GRB10: variants seen among roughly 807,000 people sequenced by gnomAD.
GRB10 encodes the protein growth factor receptor bound protein 10.
In GRB10, 20 loss-of-function variants were observed where a neutral mutation model predicts 80.9. The observed-to-expected ratio is 0.25, with a 90% confidence interval of 0.17 to 0.36. The LOEUF (loss-of-function observed/expected upper bound fraction) is 0.36, where lower values mean the gene tolerates loss of function less well. GRB10 is among the 10% of genes least tolerant of loss of function. The pLI is 1.00. For synonymous variants in GRB10, 291 were observed against 291.5 expected, an observed-to-expected ratio of 1.00 and a Z score of 0.02; for missense variants, 548 against 747.7, an observed-to-expected ratio of 0.73 and a Z score of 3.12.
intron 5 of GRB10, among the ~76,000 whole-genome samples, chr7:50,697,680 G>A (rs886572294): frequency 4.6e-5 from 7 of 152,178 alleles, no homozygotes; most frequent in Non-Finnish European, 8.8e-5. Flanking sequence ...GGAAAGAACC[G>A]CACTGTATGT....
chr7:50,682,900 A>AAAT (rs2061699445), intron 5 of GRB10, among the ~76,000 whole-genome samples: 1 of 152,228 alleles, frequency 6.6e-6, no homozygotes, highest in African/African-American at 2.4e-5. Flanking sequence ...TTCAATAATT[A>AAAT]AATATCTTCA....
At chr7:50,673,620 G>C (rs548285178) in intron 6 of GRB10, among the ~76,000 whole-genome samples, 1 of 151,964 alleles carries the variant, frequency 6.6e-6, no homozygotes, top group Non-Finnish European at 1.5e-5. Context: ...TCTCCCATCC[G>C]GGGGCTCCTG....
At chr7:50,689,512 G>C (rs2062526991) in intron 5 of GRB10, among the ~76,000 whole-genome samples, 1 of 151,888 alleles carries the variant, frequency 6.6e-6, no homozygotes, top group Non-Finnish European at 1.5e-5. Context: ...GCTGGGGATG[G>C]GGGGACCACA....
At chr7:50,746,419 G>A (rs898761103) in intron 3 of GRB10, among the ~76,000 whole-genome samples, 2 of 152,156 alleles carry the variant, frequency 1.3e-5, no homozygotes, top group Non-Finnish European at 2.9e-5. Flanking sequence ...GGGTTTATCA[G>A]AATGGAACCC....
intron 7 of GRB10, among the ~76,000 whole-genome samples, chr7:50,664,355 C>T (rs1036620993): frequency 1.3e-5 from 2 of 152,242 alleles, no homozygotes; most frequent in African/African-American, 4.8e-5. Flanking sequence ...AAGAAAATGG[C>T]ACCCCACTCA....
chr7:50,755,806 C>G (rs2074988427), intron 3 of GRB10, 81 bp downstream of exon 3: 1 of 398,484 alleles, frequency 2.5e-6, no homozygotes, highest in African/African-American at 2.1e-5. Context: ...CACGCATTCA[C>G]TGACCACCTT....
At chr7:50,602,267 C>T (rs62447501) in intron 17 of GRB10, among the ~76,000 whole-genome samples, 20,135 of 152,218 alleles carry the variant, frequency 0.13, 1,519 homozygotes, top group Non-Finnish European at 0.18. Context: ...TGAACCTGGG[C>T]AAGTTCACCA....
intron 7 of GRB10, among the ~76,000 whole-genome samples, chr7:50,639,977 G>A (rs988060159): frequency 2.0e-5 from 3 of 152,134 alleles, no homozygotes; most frequent in African/African-American, 7.2e-5. Context: ...CTCCATTGGT[G>A]GATTAAAGGG....
intron 6 of GRB10, among the ~76,000 whole-genome samples, chr7:50,671,987 C>A (rs1227469252): frequency 6.6e-6 from 1 of 152,220 alleles, no homozygotes; most frequent in African/African-American, 2.4e-5. Flanking sequence ...AGCTGAGGGG[C>A]GAGGTCCTTC....
intron 7 of GRB10, among the ~76,000 whole-genome samples, chr7:50,655,933 G>A (rs2058599626): frequency 6.6e-6 from 1 of 152,194 alleles, no homozygotes; most frequent in African/African-American, 2.4e-5. Context: ...GGAATGTCCT[G>A]GCAGCATGTT....
chr7:50,784,260 G>T (rs1294861912), upstream of GRB10, among the ~76,000 whole-genome samples: 2 of 152,230 alleles, frequency 1.3e-5, no homozygotes, highest in Non-Finnish European at 2.9e-5. Context: ...AGAAACCAAA[G>T]TGTGGAGAAA....
At chr7:50,790,412 G>GA (rs112163168) in intron 1 of GRB10, among the ~76,000 whole-genome samples, 2,405 of 149,212 alleles carry the variant, frequency 0.016, 65 homozygotes, top group African/African-American at 0.055. Flanking sequence ...CCACTACCAG[G>GA]AAAAAAAAAA....
At chr7:50,724,782 G>T (rs978223928) in intron 4 of GRB10, among the ~76,000 whole-genome samples, 2 of 152,180 alleles carry the variant, frequency 1.3e-5, no homozygotes, top group South Asian at 4.1e-4. Context: ...TTTGCTCTGC[G>T]TTACTGACAA....
intron 2 of GRB10, among the ~76,000 whole-genome samples, chr7:50,757,613 G>C (rs1284030452): frequency 6.6e-6 from 1 of 152,256 alleles, no homozygotes; most frequent in East Asian, 1.9e-4. Flanking sequence ...AGTTTGGAAA[G>C]TATCAAGATG....
intron 1 of GRB10, among the ~76,000 whole-genome samples, chr7:50,791,797 T>A (rs1443173139): frequency 6.6e-6 from 1 of 152,110 alleles, no homozygotes; most frequent in Admixed American, 6.5e-5. Flanking sequence ...GATCCTAGAG[T>A]TTTGATTTTT....
chr7:50,773,988 G>A (rs55756207), intron 2 of GRB10, among the ~76,000 whole-genome samples: 10,731 of 152,234 alleles, frequency 0.07, 472 homozygotes, highest in East Asian at 0.2. Context: ...CTCCCAAGCA[G>A]CTGGGACTAC....
chr7:50,775,878 G>T (rs2077579482), intron 2 of GRB10, among the ~76,000 whole-genome samples: 1 of 152,180 alleles, frequency 6.6e-6, no homozygotes, highest in African/African-American at 2.4e-5. Context: ...CTACAGCTGG[G>T]ATATCCAAGG....
chr7:50,775,206 A>ACATT (rs1000011560), intron 2 of GRB10, among the ~76,000 whole-genome samples: 7 of 150,816 alleles, frequency 4.6e-5, no homozygotes, highest in Non-Finnish European at 1.0e-4. Flanking sequence ...CAAAGAACAG[A>ACATT]CATTCCCATT....
chr7:50,784,814 A>G (rs971878040), upstream of GRB10, among the ~76,000 whole-genome samples: 2 of 152,256 alleles, frequency 1.3e-5, no homozygotes, highest in Non-Finnish European at 2.9e-5. Context: ...GCCTGATGAT[A>G]TACTCAGTGG....
Sources: allele counts gnomAD v4.1 joint callset (sites outside exome capture counted in the v4.1 genomes callset), GRCh38; gene constraint gnomAD v4.1.1; transcripts MANE v1.5; gene names NCBI Gene and HGNC (gene_info 2026-07-23, HGNC 2026-07-21).